Variants in UMAD1 observed in about 807,000 individuals in gnomAD.
UMAD1 encodes UBAP1-MVB12-associated (UMA) domain containing 1.
In UMAD1, 8 loss-of-function variants were observed where a neutral mutation model predicts 6.1. That is an observed-to-expected ratio of 1.30 (90% CI 0.76 to 2.35). The LOEUF (loss-of-function observed/expected upper bound fraction) is 2.35. UMAD1 is among the 30% of genes most tolerant of loss of function. The pLI, the probability that UMAD1 is intolerant of heterozygous loss-of-function variation, is 0.00. For missense variants in UMAD1, 130 were observed against 78.4 expected (o/e 1.66, Z -2.49); for synonymous variants, 56 against 31.4 (o/e 1.78, Z -2.61).
chr7:7,746,488 TACGTTTAAAGTCTTTCATTTCACAC>T (rs1327501337), intron 2 of UMAD1, among the ~76,000 whole-genome samples: 2 of 152,268 alleles, frequency 1.3e-5, no homozygotes, highest in Admixed American at 6.5e-5. Flanking sequence ...GGAACTCACA[TACGTTTAAAGTCTTTCATTTCACAC>T]ACGTTGCTTA....
At chr7:7,682,476 T>C (rs1183707634) in intron 2 of UMAD1, among the ~76,000 whole-genome samples, 10 of 152,188 alleles carry the variant, frequency 6.6e-5, no homozygotes, top group African/African-American at 2.4e-4. Flanking sequence ...TTCATCGCTG[T>C]GTTGTTTCCT....
intron 2 of UMAD1, among the ~76,000 whole-genome samples, chr7:7,782,699 A>C (rs1467622863): frequency 1.3e-5 from 2 of 151,954 alleles, no homozygotes; most frequent in Non-Finnish European, 2.9e-5. Context: ...CTACAAGCCG[A>C]AACAATAGCA....
chr7:7,870,647 AGGTTTATAGGCTGTAG>A (rs533627019), intron 3 of UMAD1, among the ~76,000 whole-genome samples: 1 of 152,302 alleles, frequency 6.6e-6, no homozygotes, highest in East Asian at 1.9e-4. Context: ...CTTAGTGATC[AGGTTTATAGGCTGTAG>A]GGTCCTTGAA....
intron 1 of UMAD1, among the ~76,000 whole-genome samples, chr7:7,649,449 C>T (rs1016850206): frequency 5.3e-5 from 8 of 152,098 alleles, no homozygotes; most frequent in African/African-American, 1.9e-4. Context: ...TTTATAGGTC[C>T]CAGCTCTCAA....
At chr7:7,803,143 C>T (rs1583836635) in intron 3 of UMAD1, among the ~76,000 whole-genome samples, 1 of 152,290 alleles carries the variant, frequency 6.6e-6, no homozygotes, top group African/African-American at 2.4e-5. Context: ...AAATGTCCAT[C>T]TTATATGTTG....
At chr7:7,713,181 A>G (rs1780809736) in intron 2 of UMAD1, among the ~76,000 whole-genome samples, 1 of 151,496 alleles carries the variant, frequency 6.6e-6, no homozygotes, top group African/African-American at 2.4e-5. Context: ...TACTAAAAAT[A>G]CAAAAAAAAA....
chr7:7,670,854 G>A (rs1779588601), intron 1 of UMAD1, among the ~76,000 whole-genome samples: 1 of 152,200 alleles, frequency 6.6e-6, no homozygotes, highest in South Asian at 2.1e-4. Flanking sequence ...CAATTCCACA[G>A]TAGAATTTTG....
intron 3 of UMAD1, among the ~76,000 whole-genome samples, chr7:7,809,316 A>G (rs561522148): frequency 6.6e-6 from 1 of 152,132 alleles, no homozygotes; most frequent in African/African-American, 2.4e-5. Context: ...TGAGCTAGGT[A>G]TGGAAGCTGC....
chr7:7,775,409 T>G (rs1170317451), intron 2 of UMAD1, among the ~76,000 whole-genome samples: 1 of 152,084 alleles, frequency 6.6e-6, no homozygotes, highest in Admixed American at 6.6e-5. Flanking sequence ...TCTCATGAGA[T>G]TTGATGGTTT....
intron 2 of UMAD1, among the ~76,000 whole-genome samples, chr7:7,703,595 G>T (rs1279441328): frequency 6.6e-6 from 1 of 152,154 alleles, no homozygotes; most frequent in East Asian, 1.9e-4. Context: ...CAACACAGGT[G>T]CTAACAACAA....
At chr7:7,794,314 G>A (rs1290415420) in intron 2 of UMAD1, among the ~76,000 whole-genome samples, 1 of 152,086 alleles carries the variant, frequency 6.6e-6, no homozygotes, top group Non-Finnish European at 1.5e-5. Context: ...ATTGAGGGGA[G>A]GAAAAAGGAA....
At chr7:7,693,372 A>G (rs1174531666) in intron 2 of UMAD1, among the ~76,000 whole-genome samples, 2 of 152,000 alleles carry the variant, frequency 1.3e-5, no homozygotes, top group Non-Finnish European at 1.5e-5. Context: ...AATGTATAAT[A>G]TAGGAAAATC....
At chr7:7,740,597 T>C (rs76615476) in intron 2 of UMAD1, 2 of 152,378 alleles carry the variant, frequency 1.3e-5, no homozygotes, top group East Asian at 3.9e-4. Context: ...ACACCCTTCA[T>C]ACTGTTCGTA....
At chr7:7,772,888 A>G (rs768010160) in intron 2 of UMAD1, among the ~76,000 whole-genome samples, 1 of 152,162 alleles carries the variant, frequency 6.6e-6, no homozygotes, top group East Asian at 1.9e-4. Context: ...GATATAACAC[A>G]AGAAGCCTTT....
At chr7:7,685,034 G>T (rs901762551) in intron 2 of UMAD1, among the ~76,000 whole-genome samples, 4 of 152,074 alleles carry the variant, frequency 2.6e-5, no homozygotes, top group African/African-American at 9.7e-5. Flanking sequence ...AAATTATGAT[G>T]AGTGGCTTTC....
intron 2 of UMAD1, among the ~76,000 whole-genome samples, chr7:7,713,471 C>T (rs1288810332): frequency 1.3e-5 from 2 of 151,600 alleles, no homozygotes; most frequent in African/African-American, 4.8e-5. Flanking sequence ...TCTGCTCCTC[C>T]CCCCCATGGC....
intron 2 of UMAD1, among the ~76,000 whole-genome samples, chr7:7,714,853 CTTT>C (rs1029148023): frequency 2.7e-5 from 3 of 111,170 alleles, no homozygotes; most frequent in Non-Finnish European, 5.8e-5. Flanking sequence ...AAAAATTTTT[CTTT>C]TTTTTTTTTT....
chr7:7,689,887 A>G (rs913616151), intron 2 of UMAD1, among the ~76,000 whole-genome samples: 20 of 152,224 alleles, frequency 1.3e-4, no homozygotes, highest in Non-Finnish European at 7.3e-5. Context: ...GTGATTAACA[A>G]CCATAGTAAT....
At chr7:7,706,762 A>C (rs555360264) in intron 2 of UMAD1, among the ~76,000 whole-genome samples, 82 of 152,162 alleles carry the variant, frequency 5.4e-4, no homozygotes, top group Non-Finnish European at 1.0e-3. Flanking sequence ...GACAGCTGGG[A>C]TTTTAAACTA....
Sources: allele counts gnomAD v4.1 joint callset (sites outside exome capture counted in the v4.1 genomes callset), GRCh38; gene constraint gnomAD v4.1.1; transcripts MANE v1.5; gene names NCBI Gene and HGNC (gene_info 2026-07-23, HGNC 2026-07-21).